NBEA: variants seen among roughly 807,000 people sequenced by gnomAD.
NBEA encodes the protein lysosomal-trafficking regulator 2.
In NBEA, 44 loss-of-function variants were observed where a neutral mutation model predicts 343.4. That is an observed-to-expected ratio of 0.13 (90% CI 0.10 to 0.16). The LOEUF (loss-of-function observed/expected upper bound fraction) is 0.16. Among genes scored for constraint, NBEA ranks in the 10% least tolerant of loss-of-function variants. The pLI is 1.00. For missense variants in NBEA, 2,555 were observed against 3,631.3 expected (o/e 0.70, Z 7.62); for synonymous variants, 1,175 against 1,238.7 (o/e 0.95, Z 1.08).
In NBEA at chr13:35,108,629, A is replaced by G. The variant is rs1227204616; in HGVS notation, c.1681-661A>G. Among the ~76,000 whole-genome samples the G allele has an allele frequency of 5.3e-5, 8 of 152,214 alleles. 1 individual carries two copies. The highest frequency in any genetic ancestry group is 4.1e-4 in the South Asian group (2 of 4,826). ...ATGACACATCTCACTTTCAATTGCA[A>G]TATTCCAGCAGCTCAATGGCCACAT... On this transcript the variant is annotated intron_variant, in intron 11 of 58. Transcript: ENST00000379939.
At chr13:35,055,004 C>A (rs1193324535) in intron 6 of NBEA, among the ~76,000 whole-genome samples, 2 of 151,886 alleles carry the variant, frequency 1.3e-5, no homozygotes, top group South Asian at 4.2e-4. Flanking sequence ...ATTTTAGATA[C>A]CTTGAAATAA....
At chr13:35,604,136 G>A (rs139367482) in intron 47 of NBEA, among the ~76,000 whole-genome samples, 66 of 152,294 alleles carry the variant, frequency 4.3e-4, no homozygotes, top group African/African-American at 1.5e-3. Flanking sequence ...ACTCATGATA[G>A]TCATTGCTGA....
chr13:35,481,321 A>G (rs1174601384), intron 41 of NBEA, among the ~76,000 whole-genome samples: 1 of 151,910 alleles, frequency 6.6e-6, no homozygotes, highest in Non-Finnish European at 1.5e-5. Context: ...GTAATACTGG[A>G]TAACTAGCCA....
At chr13:35,652,840 G>A (rs1351178814) in intron 53 of NBEA, among the ~76,000 whole-genome samples, 10 of 149,994 alleles carry the variant, frequency 6.7e-5, no homozygotes, top group African/African-American at 2.2e-4. Context: ...GATTACAGGC[G>A]CCCGCCACCG....
At chr13:35,335,733 T>C (rs2039212269) in intron 36 of NBEA, among the ~76,000 whole-genome samples, 1 of 152,048 alleles carries the variant, frequency 6.6e-6, no homozygotes, top group Non-Finnish European at 1.5e-5. Context: ...GAGATGTTAC[T>C]GCCTTAGGTA....
At chr13:35,006,303 C>A (rs2061316615) in intron 1 of NBEA, among the ~76,000 whole-genome samples, 2 of 151,768 alleles carry the variant, frequency 1.3e-5, no homozygotes, top group South Asian at 4.2e-4. Flanking sequence ...TTAGTGGTAA[C>A]CCTAGATATT....
At chr13:35,220,847 C>T (rs2074322380) in intron 33 of NBEA, among the ~76,000 whole-genome samples, 1 of 152,094 alleles carries the variant, frequency 6.6e-6, no homozygotes, top group Non-Finnish European at 1.5e-5. Flanking sequence ...GCTTATCTTA[C>T]ATAAAAATTA....
chr13:35,569,387 T>G (rs117657800), intron 45 of NBEA, among the ~76,000 whole-genome samples: 10,989 of 152,176 alleles, frequency 0.072, 415 homozygotes, highest in South Asian at 0.1. Context: ...CGATAAAAAT[T>G]CAGAGTATAG....
At chr13:35,250,297 A>T (rs947080405) in intron 34 of NBEA, among the ~76,000 whole-genome samples, 3 of 152,194 alleles carry the variant, frequency 2.0e-5, no homozygotes, top group Non-Finnish European at 2.9e-5. Context: ...ACAAATGTTG[A>T]TATCTAGATT....
chr13:35,522,259 G>A (rs2077752142), intron 41 of NBEA, among the ~76,000 whole-genome samples: 1 of 151,898 alleles, frequency 6.6e-6, no homozygotes, highest in Admixed American at 6.6e-5. Flanking sequence ...CCTGAGGTCA[G>A]GAGATCGAGA....
At position 35,019,052 on chromosome 13, in the gene NBEA, T is replaced by G. The variant is rs183947069; in HGVS notation, c.295-21881T>G. Among the ~76,000 whole-genome samples the G allele has an allele frequency of 2.8e-4, 41 of 144,470 alleles. No homozygotes were observed. The East Asian group carries it at 6.3e-3, about 22-fold the overall frequency. The allele number at this position is 144,470 out of a possible 152,430, so 94.8% of individuals were successfully genotyped here. On this transcript the variant is annotated intron_variant, in intron 1 of 58. Coordinates refer to ENST00000379939, the MANE Select transcript of NBEA (RefSeq NM_001385012.1). ...GATATGGGGAATTATGTCATTTGAG[T>G]TTTTTTTTTTTATTGATGAGCAAAT...
chr13:35,544,490 A>T (rs2078978139), intron 41 of NBEA, among the ~76,000 whole-genome samples: 1 of 152,190 alleles, frequency 6.6e-6, no homozygotes, highest in Non-Finnish European at 1.5e-5. Flanking sequence ...TCCGATACGC[A>T]TGAGTGCACA....
rs369608936 is a variant in NBEA, at chr13:35,485,061, A to G, written c.6585+12525A>G. ...GACTCATAGTAGCACCCATTTGGTAAGAAGATTTTGATTTTGAACTTTTGC... is the reference window on the plus strand; with the variant it reads ...GACTCATAGTAGCACCCATTTGGTAGGAAGATTTTGATTTTGAACTTTTGC... On this transcript the variant is annotated intron_variant, in intron 41 of 58. Coordinates refer to ENST00000379939, the MANE Select transcript of NBEA (RefSeq NM_001385012.1). Among the ~76,000 whole-genome samples the G allele has an allele frequency of 1.0e-3, 156 of 152,230 alleles. 1 individual carries two copies. The highest frequency in any genetic ancestry group is 3.5e-3 in the African/African-American group (145 of 41,562).
At chr13:35,199,812 C>T (rs1056454022) in intron 31 of NBEA, among the ~76,000 whole-genome samples, 5 of 152,058 alleles carry the variant, frequency 3.3e-5, no homozygotes, top group African/African-American at 1.2e-4. Flanking sequence ...TTTTTCTTTA[C>T]TATTACATAT....
intron 47 of NBEA, among the ~76,000 whole-genome samples, chr13:35,601,456 A>G (rs1353068295): frequency 2.0e-5 from 3 of 152,138 alleles, no homozygotes; most frequent in Non-Finnish European, 2.9e-5. Flanking sequence ...AAAACAGAGT[A>G]ACGTCATATA....
chr13:35,029,179 T>A (rs1481521191), intron 1 of NBEA, among the ~76,000 whole-genome samples: 1 of 151,510 alleles, frequency 6.6e-6, no homozygotes, highest in Admixed American at 6.6e-5. Flanking sequence ...CATTATGTGT[T>A]ATATATGATA....
rs1241219204 is a variant in NBEA at position 35,265,552 on chromosome 13, T to C, written c.5777-24837T>C. 2.0e-5 allele frequency among the ~76,000 whole-genome samples: 3 copies of C among 151,612 alleles called. No homozygotes were observed. The East Asian group carries it at 5.8e-4, about 29-fold the overall frequency. ...ATAGGATAGAAAGATAGCCCAGAAA[T>C]AAATCCACACATTTACAACTAACTG... is the stretch of plus-strand genomic sequence containing the variant. On this transcript the variant is annotated intron_variant, in intron 34 of 58. Transcript: ENST00000379939.
intron 1 of NBEA, among the ~76,000 whole-genome samples, chr13:34,957,337 G>A (rs1328747223): frequency 6.6e-6 from 1 of 152,116 alleles, no homozygotes; most frequent in African/African-American, 2.4e-5. Flanking sequence ...AAGAGACTCA[G>A]CAGGCCAAGC....
intron 17 of NBEA, among the ~76,000 whole-genome samples, chr13:35,127,873 A>G (rs1306550420): frequency 6.6e-6 from 1 of 152,136 alleles, no homozygotes; most frequent in Non-Finnish European, 1.5e-5. Flanking sequence ...ATAACATAAA[A>G]TATGAAATAT....
Sources: allele counts gnomAD v4.1 joint callset (sites outside exome capture counted in the v4.1 genomes callset), GRCh38; gene constraint gnomAD v4.1.1; transcripts MANE v1.5; gene names NCBI Gene and HGNC (gene_info 2026-07-23, HGNC 2026-07-21).